The following CACNA1C variants were observed in gnomAD, a reference collection of about 807,000 sequenced individuals.
The protein encoded by CACNA1C is voltage-dependent L-type calcium channel subunit alpha-1C.
Under a neutral mutation model 229.0 loss-of-function variants are expected in CACNA1C, and 30 were observed. The observed-to-expected ratio is 0.13, with a 90% CI of 0.10 to 0.18. CACNA1C has a LOEUF of 0.18. Ranked by LOEUF, CACNA1C falls within the 10% of genes least tolerant of loss-of-function variation. The probability of loss-of-function intolerance (pLI) is 1.00; values close to 1 mark genes in which losing one functional copy is unlikely to be tolerated. For synonymous variants in CACNA1C, 1,114 were observed against 1,132.5 expected (o/e 0.98, Z 0.33); for missense variants, 1,658 against 2,845.0 (o/e 0.58, Z 9.49).
At chr12:2,635,657 TGGACTATGGAAAGC>T (rs1231258891) in intron 30 of CACNA1C, among the ~76,000 whole-genome samples, 3 of 152,172 alleles carry the variant, frequency 2.0e-5, no homozygotes, top group Non-Finnish European at 4.4e-5. Flanking sequence ...TTTTAGCAGA[TGGACTATGGAAAGC>T]GGTTGTCACA....
intron 1 of CACNA1C, chr12:2,020,060 C>T (rs1215548279): frequency 1.3e-5 from 2 of 152,206 alleles, no homozygotes; most frequent in Non-Finnish European, 2.9e-5. Context: ...CTGTGTCTCT[C>T]TTTCCCTCTC....
At chr12:2,562,592 G>A (rs1397313306) in intron 11 of CACNA1C, among the ~76,000 whole-genome samples, 5 of 152,158 alleles carry the variant, frequency 3.3e-5, no homozygotes, top group African/African-American at 7.2e-5. Flanking sequence ...TTCAGAGGTC[G>A]CCTCTCAAGA....
chr12:2,478,135 G>A (rs948224267), intron 5 of CACNA1C, among the ~76,000 whole-genome samples: 1 of 152,116 alleles, frequency 6.6e-6, no homozygotes, highest in African/African-American at 2.4e-5. Context: ...TCCACCCATG[G>A]ACACAGCTCA....
intron 3 of CACNA1C, among the ~76,000 whole-genome samples, chr12:2,415,890 C>T (rs913499471): frequency 5.9e-5 from 9 of 152,206 alleles, no homozygotes; most frequent in East Asian, 1.9e-4. Context: ...ACCCCTTCCC[C>T]GCATTTCCCG....
chr12:1,999,193 T>C (rs372693702), intron 1 of CACNA1C, among the ~76,000 whole-genome samples: 30 of 152,234 alleles, frequency 2.0e-4, no homozygotes, highest in East Asian at 9.6e-4. Context: ...TTTATTAAAC[T>C]GTCCAGGTGA....
chr12:2,064,947 A>T lies in CACNA1C; in HGVS notation c.49+11336A>T, dbSNP rs551694700. Among the ~76,000 whole-genome samples the T allele has an allele frequency of 3.9e-5, 6 of 152,322 alleles. No homozygotes were observed. The East Asian group carries it at 9.6e-4, about 24-fold the overall frequency. On this transcript the variant is annotated intron_variant, in intron 1 of 46. Coordinates refer to ENST00000399655, the MANE Select transcript of CACNA1C (RefSeq NM_000719.7). ...TATGGATAAAAAAGCGCACAGGCTC[A>T]TGGAGGTATGTGAAGCTCAGAAGAC...
At chr12:2,113,191 A>T (rs2082439201) in intron 1 of CACNA1C, among the ~76,000 whole-genome samples, 1 of 152,180 alleles carries the variant, frequency 6.6e-6, no homozygotes, top group South Asian at 2.1e-4. Context: ...GTGTGGCTGG[A>T]TGAGGAATCT....
At chr12:2,148,018 T>C (rs2094883117) in intron 3 of CACNA1C, among the ~76,000 whole-genome samples, 1 of 151,332 alleles carries the variant, frequency 6.6e-6, no homozygotes, top group African/African-American at 2.4e-5. Flanking sequence ...TTTACATGCA[T>C]ATATACACAT....
At chr12:2,045,724 T>C (rs1312991732) in intron 1 of CACNA1C, among the ~76,000 whole-genome samples, 2 of 151,962 alleles carry the variant, frequency 1.3e-5, no homozygotes, top group Admixed American at 1.3e-4. Flanking sequence ...TGAAAATGGG[T>C]GAAGAAACAT....
chr12:2,336,302 G>C (rs1001151935), intron 3 of CACNA1C, among the ~76,000 whole-genome samples: 5 of 152,162 alleles, frequency 3.3e-5, no homozygotes, highest in Non-Finnish European at 7.3e-5. Flanking sequence ...AATTAGAGAC[G>C]GCTTTATTAC....
Position 2,486,336 on chromosome 12 carries a change from A to G in CACNA1C, c.916+74A>G. 3.1e-6 allele frequency: 4 copies of G among 1,308,978 alleles called. No homozygotes were observed. The highest frequency in any genetic ancestry group is 4.3e-6 in the Non-Finnish European group (4 of 937,780). 81.1% of individuals were successfully genotyped at this position (1,308,978 alleles called of 1,614,324 possible). On this transcript the variant is annotated intron_variant, in intron 6 of 46. Coordinates refer to ENST00000399655, the MANE Select transcript of CACNA1C (RefSeq NM_000719.7). The surrounding 1 kb of genome is among the most constrained non-coding windows in gnomAD (Gnocchi z 4.9). ...CCCAGCACCTTTCCCGCTGCTGGCT[A>G]CACCAACATGACCAGCAGAGCCCAG...
intron 5 of CACNA1C, among the ~76,000 whole-genome samples, chr12:2,475,123 C>A (rs1357804565): frequency 1.3e-5 from 2 of 152,040 alleles, no homozygotes; most frequent in African/African-American, 2.4e-5. Context: ...CACAGTGAAA[C>A]CCCGTCTCTA....
intron 3 of CACNA1C, among the ~76,000 whole-genome samples, chr12:2,424,182 T>C (rs1283861870): frequency 1.3e-5 from 2 of 152,222 alleles, no homozygotes; most frequent in East Asian, 3.8e-4. Context: ...CTTCAGTGGG[T>C]CTGCACACAT....
At chr12:2,341,382 T>G (rs16929293) in intron 3 of CACNA1C, among the ~76,000 whole-genome samples, 7,444 of 152,266 alleles carry the variant, frequency 0.049, 602 homozygotes, top group African/African-American at 0.17. Flanking sequence ...ATCTGATGTC[T>G]AAGAACCCCA....
chr12:2,262,177 G>T (rs190743987), intron 3 of CACNA1C, among the ~76,000 whole-genome samples: 2 of 152,350 alleles, frequency 1.3e-5, no homozygotes, highest in East Asian at 3.9e-4. Flanking sequence ...ATGCTAAGAT[G>T]CAGGCTAGAG....
At chr12:2,239,714 G>C (rs1566607783) in intron 3 of CACNA1C, among the ~76,000 whole-genome samples, 1 of 152,200 alleles carries the variant, frequency 6.6e-6, no homozygotes, top group Non-Finnish European at 1.5e-5. Context: ...CTGCTCCAGT[G>C]GCTCTCTCCT....
chr12:2,190,915 G>T (rs550540274), intron 3 of CACNA1C, among the ~76,000 whole-genome samples: 16 of 152,278 alleles, frequency 1.1e-4, no homozygotes, highest in African/African-American at 3.4e-4. Flanking sequence ...ACAGATAAGG[G>T]CCCAAGTCGC....
chr12:2,545,624 CATT>C (rs1444948475), intron 9 of CACNA1C, among the ~76,000 whole-genome samples: 11 of 152,046 alleles, frequency 7.2e-5, no homozygotes, highest in Non-Finnish European at 1.6e-4. Context: ...AGTAATACAT[CATT>C]AACAAAAAAA....
chr12:2,097,281 G>A (rs935370039), intron 1 of CACNA1C, among the ~76,000 whole-genome samples: 1 of 152,074 alleles, frequency 6.6e-6, no homozygotes, highest in Non-Finnish European at 1.5e-5. Flanking sequence ...GTGTAGCTGG[G>A]ACTACAGGCG....
Sources: allele counts gnomAD v4.1 joint callset (sites outside exome capture counted in the v4.1 genomes callset), GRCh38; gene constraint gnomAD v4.1.1; non-coding constraint Gnocchi (gnomAD v3.1); transcripts MANE v1.5; gene names NCBI Gene and HGNC (gene_info 2026-07-23, HGNC 2026-07-21).